Variants in FOXP1 observed in about 807,000 individuals in gnomAD.
FOXP1 encodes the protein forkhead box P1, also known as forkhead box protein P1.
In FOXP1, 15 loss-of-function variants were observed where a neutral mutation model predicts 98.2. The ratio of observed to expected loss-of-function variants is 0.15; its 90% CI spans 0.10 to 0.24. The LOEUF (loss-of-function observed/expected upper bound fraction) is 0.24. FOXP1 is among the 10% of genes least tolerant of loss of function. The pLI, the probability that FOXP1 is intolerant of heterozygous loss-of-function variation, is 1.00. For missense variants in FOXP1, 633 were observed against 848.5 expected (o/e 0.75, Z 3.15); for synonymous variants, 371 against 314.5 (o/e 1.18, Z -1.90).
intron 7 of FOXP1, among the ~76,000 whole-genome samples, chr3:71,091,450 A>G (rs2055832603): frequency 6.6e-6 from 1 of 152,112 alleles, no homozygotes; most frequent in South Asian, 2.1e-4. Context: ...AGATCGCACC[A>G]CTGCATGCCA....
intron 7 of FOXP1, among the ~76,000 whole-genome samples, chr3:71,092,277 A>G (rs2055952903): frequency 6.6e-6 from 1 of 152,100 alleles, no homozygotes; most frequent in Non-Finnish European, 1.5e-5. Context: ...AGGCTGAGGC[A>G]GGAGAATCGC....
At chr3:71,437,019 T>C (rs955633279) in intron 3 of FOXP1, among the ~76,000 whole-genome samples, 1 of 152,194 alleles carries the variant, frequency 6.6e-6, no homozygotes. Context: ...ACAAAGCTGA[T>C]TGAGAACAAA....
chr3:71,564,003 C>T (rs1490426367), intron 2 of FOXP1, among the ~76,000 whole-genome samples: 1 of 152,204 alleles, frequency 6.6e-6, no homozygotes, highest in African/African-American at 2.4e-5. Flanking sequence ...ACCTGCTTGG[C>T]ACCATTTGAA....
At chr3:71,479,894 A>T (rs2090139174) in intron 3 of FOXP1, among the ~76,000 whole-genome samples, 1 of 151,988 alleles carries the variant, frequency 6.6e-6, no homozygotes, top group African/African-American at 2.4e-5. Context: ...ATCATCTGGA[A>T]ATAGAAATAA....
At chr3:71,054,963 G>A (rs1013357032) in intron 7 of FOXP1, among the ~76,000 whole-genome samples, 2 of 151,848 alleles carry the variant, frequency 1.3e-5, no homozygotes, top group Non-Finnish European at 2.9e-5. Context: ...CACTTTGCCT[G>A]TGTGCTACTT....
At chr3:71,506,889 CT>C (rs1261195779) in intron 2 of FOXP1, among the ~76,000 whole-genome samples, 2 of 152,192 alleles carry the variant, frequency 1.3e-5, no homozygotes, top group Admixed American at 1.3e-4. Flanking sequence ...ATTTCTGCTT[CT>C]ATAAAATGGG....
intron 20 of FOXP1, among the ~76,000 whole-genome samples, chr3:70,959,921 A>T (rs2032891261): frequency 6.6e-6 from 1 of 152,202 alleles, no homozygotes; most frequent in Non-Finnish European, 1.5e-5. Flanking sequence ...CCGTAGTGGC[A>T]TCCTGGGTGG....
rs867653111 is a variant in FOXP1 at position 71,581,553 on chromosome 3, G to C, written c.-302C>G. Reference sequence around the variant, plus strand: ...CCCGCGGCCGCCTCGACTTACCCGCGGAGTCCGGGGAGGGAGTAGGAGCGC... The same window carrying C: ...CCCGCGGCCGCCTCGACTTACCCGCCGAGTCCGGGGAGGGAGTAGGAGCGC... On this transcript the variant is annotated 5_prime_UTR_variant, in exon 2 of 21. Coordinates refer to ENST00000649528, the MANE Select transcript of FOXP1 (RefSeq NM_001349338.3). 9.1e-6 allele frequency: 9 copies of C among 985,296 alleles called. No individual in the cohort carries two copies. The highest frequency in any genetic ancestry group is 6.1e-5 in the Admixed American group (1 of 16,266). The allele number at this position is 985,296 out of a possible 1,614,324, so 61.0% of individuals were successfully genotyped here.
At chr3:71,046,746 C>T (rs2049085073) in intron 10 of FOXP1, among the ~76,000 whole-genome samples, 196 bp downstream of exon 10, 1 of 152,212 alleles carries the variant, frequency 6.6e-6, no homozygotes, top group Admixed American at 6.5e-5. Context: ...CTTCAGACCA[C>T]CCTGAGACTT....
chr3:71,582,122 G>GGGCAT, intron 1 of FOXP1: 2 of 977,140 alleles, frequency 2.0e-6, no homozygotes, highest in Non-Finnish European at 2.4e-6. Context: ...CATGGGAGGG[G>GGGCAT]GGCATGCGAC....
intron 5 of FOXP1, among the ~76,000 whole-genome samples, chr3:71,281,061 A>AG (rs2071501881): frequency 7.5e-6 from 1 of 133,644 alleles, no homozygotes; most frequent in East Asian, 2.4e-4. Flanking sequence ...AAAAAAAAAA[A>AG]GAAGAAGAAG....
At chr3:71,460,176 C>T (rs1463984000) in intron 3 of FOXP1, among the ~76,000 whole-genome samples, 4 of 151,746 alleles carry the variant, frequency 2.6e-5, no homozygotes, top group Non-Finnish European at 4.4e-5. Flanking sequence ...CCTCGTGATT[C>T]GTCCATCTTC....
chr3:71,240,767 G>A (rs532864457), intron 5 of FOXP1, among the ~76,000 whole-genome samples: 51 of 151,382 alleles, frequency 3.4e-4, no homozygotes, highest in African/African-American at 1.2e-3. Context: ...GGATGGTCTC[G>A]ATCTCCTGAC....
At chr3:71,041,259 C>A in intron 11 of FOXP1, 69 bp downstream of exon 11, 3 of 1,252,768 alleles carry the variant, frequency 2.4e-6, no homozygotes, top group East Asian at 2.3e-5. Flanking sequence ...TGAGATATGA[C>A]GAGGCAGGGC....
At chr3:71,574,150 T>C (rs988532574) in intron 2 of FOXP1, 1 of 152,160 alleles carries the variant, frequency 6.6e-6, no homozygotes, top group South Asian at 2.1e-4. Flanking sequence ...ATTTTAAAAG[T>C]TTTTATTAGA....
chr3:71,302,021 T>TA (rs2073886639), intron 4 of FOXP1, among the ~76,000 whole-genome samples: 1 of 152,204 alleles, frequency 6.6e-6, no homozygotes. Context: ...CACTTATACA[T>TA]AAAAAATGGG....
intron 2 of FOXP1, among the ~76,000 whole-genome samples, chr3:71,567,181 A>G (rs1177922270): frequency 1.3e-5 from 2 of 152,204 alleles, no homozygotes; most frequent in Admixed American, 6.5e-5. Flanking sequence ...GAGAAAGTGG[A>G]CGGTCAATAC....
chr3:71,128,308 TAA>T (rs5849990), intron 6 of FOXP1, among the ~76,000 whole-genome samples: 193 of 147,290 alleles, frequency 1.3e-3, no homozygotes, highest in African/African-American at 4.1e-3. Context: ...ACTTGAGAAC[TAA>T]AAAAAAAAAA....
At chr3:71,101,559 G>C (rs1425574603) in intron 7 of FOXP1, among the ~76,000 whole-genome samples, 1 of 151,366 alleles carries the variant, frequency 6.6e-6, no homozygotes, top group Non-Finnish European at 1.5e-5. Flanking sequence ...AAGAAGGCCA[G>C]ACAGGTTAGA....
Sources: gnomAD v4.1 joint callset for allele counts (sites outside exome capture counted in the v4.1 genomes callset) on GRCh38, gnomAD v4.1.1 for gene constraint, MANE v1.5 for transcripts, NCBI Gene and HGNC (gene_info 2026-07-23, HGNC 2026-07-21) for gene names.